PRKN: variants seen among roughly 807,000 people sequenced by gnomAD.
PRKN encodes the protein E3 ubiquitin-protein ligase parkin.
A neutral mutation model predicts 59.5 loss-of-function variants in PRKN; 56 were observed. That is an observed-to-expected ratio of 0.94 (90% CI 0.76 to 1.18). The LOEUF is 1.18. Among genes scored for constraint, PRKN ranks in the 50% most tolerant of loss-of-function variants. The pLI, the probability that PRKN is intolerant of heterozygous loss-of-function variation, is 0.00. For synonymous variants in PRKN, 250 were observed against 222.1 expected (o/e 1.13, Z -1.12); for missense variants, 657 against 596.4 (o/e 1.10, Z -1.06).
chr6:161,695,905 G>A (rs777004206), intron 7 of PRKN, among the ~76,000 whole-genome samples: 2 of 152,206 alleles, frequency 1.3e-5, no homozygotes, highest in African/African-American at 2.4e-5. Context: ...GCAAATAGAC[G>A]ATGAGAAATA....
At chr6:162,395,104 A>C (rs1787410034) in intron 2 of PRKN, among the ~76,000 whole-genome samples, 1 of 152,134 alleles carries the variant, frequency 6.6e-6, no homozygotes, top group Non-Finnish European at 1.5e-5. Flanking sequence ...ATAAAAAGAG[A>C]TATCCTGGCT....
chr6:161,783,863 A>G (rs1751293568), intron 7 of PRKN, among the ~76,000 whole-genome samples: 1 of 152,232 alleles, frequency 6.6e-6, no homozygotes, highest in African/African-American at 2.4e-5. Context: ...TCATTGCATT[A>G]TTGGTAGATA....
intron 1 of PRKN, among the ~76,000 whole-genome samples, chr6:162,590,429 C>G (rs966791909): frequency 1.3e-5 from 2 of 152,190 alleles, no homozygotes; most frequent in African/African-American, 4.8e-5. Context: ...CTTAATCTAT[C>G]TGCAAAGTTA....
At position 161,353,817 on chromosome 6, in the gene PRKN, G is replaced by C. The variant is rs556804147; in HGVS notation, c.1286-3606C>G. ...GTGGGACTGAGCCCCCAGCCTGAGG[G>C]ATCAGACACTATTTCCTGGTAGACA... On this transcript the variant is annotated intron_variant, in intron 11 of 11. Transcript: ENST00000366898. The surrounding 1 kb of genome is among the most constrained non-coding windows in gnomAD (Gnocchi z 4.8). Among the ~76,000 whole-genome samples the C allele has an allele frequency of 1.3e-5, 2 of 152,292 alleles. No individual in the cohort carries two copies. Among genetic ancestry groups the C allele is most frequent in the East Asian group, 3.9e-4 (2 of 5,160 alleles).
chr6:162,575,450 G>GT (rs1435475223), intron 1 of PRKN, among the ~76,000 whole-genome samples: 2 of 152,110 alleles, frequency 1.3e-5, no homozygotes, highest in African/African-American at 4.8e-5. Flanking sequence ...TCCAGCAATT[G>GT]TATCTCAGCT....
chr6:162,569,497 G>C, intron 1 of PRKN: 5 of 693,488 alleles, frequency 7.2e-6, no homozygotes. Context: ...CTGGGATGCA[G>C]AACATGAGTA....
intron 9 of PRKN, among the ~76,000 whole-genome samples, chr6:161,425,612 C>G (rs1464776120): frequency 2.0e-5 from 3 of 152,106 alleles, no homozygotes; most frequent in Non-Finnish European, 2.9e-5. Flanking sequence ...AGGACTAGTC[C>G]CCCTTGGCTA....
chr6:162,600,659 G>A (rs997856268), intron 1 of PRKN, among the ~76,000 whole-genome samples: 2 of 152,114 alleles, frequency 1.3e-5, no homozygotes, highest in Non-Finnish European at 2.9e-5. Flanking sequence ...GATCATGGGG[G>A]CAGTTTCTAA....
At chr6:161,654,687 G>A (rs1002605214) in intron 7 of PRKN, among the ~76,000 whole-genome samples, 1 of 152,222 alleles carries the variant, frequency 6.6e-6, no homozygotes, top group African/African-American at 2.4e-5. Flanking sequence ...CCTCCCACGT[G>A]TGTATCTACG....
At chr6:161,877,145 C>A (rs1023157059) in intron 6 of PRKN, among the ~76,000 whole-genome samples, 1 of 152,116 alleles carries the variant, frequency 6.6e-6, no homozygotes, top group Non-Finnish European at 1.5e-5. Context: ...CACGTAGTTG[C>A]CTGAACCTTC....
At chr6:162,379,367 G>A (rs1786304382) in intron 2 of PRKN, among the ~76,000 whole-genome samples, 1 of 152,128 alleles carries the variant, frequency 6.6e-6, no homozygotes, top group Middle Eastern at 3.2e-3. Context: ...TATGAATTGG[G>A]AGATTACTTG....
rs2114993893 is a variant in PRKN, at chr6:161,407,201, A to G, written c.1084-20324T>C. Among the ~76,000 whole-genome samples the G allele has an allele frequency of 6.6e-6, 1 of 152,338 alleles. No individual in the cohort carries two copies. The highest frequency in any genetic ancestry group is 2.4e-5 in the African/African-American group (1 of 41,572). On this transcript the variant is annotated intron_variant, in intron 9 of 11. Transcript: ENST00000366898. This position sits in a 1 kb window ranked among gnomAD's most constrained non-coding sequence, Gnocchi z 4.9. ...ATCTACATGGAAAACAAAAAGTCATACCAAAATTATAACTGCTAAGAGAGA... is the reference window on the plus strand; with the variant it reads ...ATCTACATGGAAAACAAAAAGTCATGCCAAAATTATAACTGCTAAGAGAGA...
intron 9 of PRKN, among the ~76,000 whole-genome samples, chr6:161,469,190 A>G (rs1790639082): frequency 6.6e-6 from 1 of 152,158 alleles, no homozygotes; most frequent in Non-Finnish European, 1.5e-5. Context: ...GAGATAAATG[A>G]ATCATGGGGG....
At chr6:162,385,815 T>C (rs2128142425) in intron 2 of PRKN, among the ~76,000 whole-genome samples, 1 of 152,252 alleles carries the variant, frequency 6.6e-6, no homozygotes, top group South Asian at 2.1e-4. Context: ...AGGAAATTAA[T>C]TTCAATCTTT....
intron 2 of PRKN, among the ~76,000 whole-genome samples, chr6:162,418,185 A>C (rs1176915086): frequency 3.3e-5 from 5 of 152,220 alleles, no homozygotes; most frequent in Non-Finnish European, 7.3e-5. Context: ...ATAAAAATGA[A>C]GTGCAGATTC....
intron 2 of PRKN, among the ~76,000 whole-genome samples, chr6:162,271,782 A>T (rs971446984): frequency 1.3e-5 from 2 of 152,204 alleles, no homozygotes; most frequent in African/African-American, 2.4e-5. Flanking sequence ...ATTGGATGAG[A>T]ACAGAAACTA....
intron 7 of PRKN, among the ~76,000 whole-genome samples, chr6:161,717,107 C>T (rs1183108183): frequency 1.3e-5 from 2 of 152,138 alleles, no homozygotes; most frequent in African/African-American, 4.8e-5. Flanking sequence ...AAGAAACACA[C>T]AGGATGTGTT....
intron 1 of PRKN, among the ~76,000 whole-genome samples, chr6:162,543,391 C>T (rs186321892): frequency 6.6e-6 from 1 of 152,110 alleles, no homozygotes; most frequent in African/African-American, 2.4e-5. Flanking sequence ...CCACCCCTCA[C>T]AGCAGCTGCT....
chr6:161,646,638 C>T (rs550279974), intron 7 of PRKN, among the ~76,000 whole-genome samples: 5 of 152,036 alleles, frequency 3.3e-5, no homozygotes, highest in East Asian at 3.9e-4. Context: ...TGCGTTCATA[C>T]GCGTGGAGGA....
Sources: gnomAD v4.1 joint callset for allele counts (sites outside exome capture counted in the v4.1 genomes callset) on GRCh38, gnomAD v4.1.1 for gene constraint, Gnocchi (gnomAD v3.1) non-coding constraint, MANE v1.5 for transcripts, NCBI Gene and HGNC (gene_info 2026-07-23, HGNC 2026-07-21) for gene names.